PHACTR3: variants seen among roughly 807,000 people sequenced by gnomAD.
PHACTR3 encodes phosphatase and actin regulator 3.
PHACTR3 carries 16 observed loss-of-function variants against 66.8 expected under a neutral mutation model. The observed-to-expected ratio is 0.24, with a 90% CI of 0.16 to 0.36. PHACTR3 has a LOEUF of 0.36. PHACTR3 is among the 10% of genes least tolerant of loss of function. PHACTR3 has a pLI of 1.00. For synonymous variants in PHACTR3, 323 were observed against 292.1 expected (o/e 1.11, Z -1.08); for missense variants, 647 against 719.9 (o/e 0.90, Z 1.16).
chr20:59,613,895 C>T (rs2033939872), intron 1 of PHACTR3, among the ~76,000 whole-genome samples: 2 of 152,242 alleles, frequency 1.3e-5, no homozygotes, highest in African/African-American at 4.8e-5. Flanking sequence ...GGCAGGGTCA[C>T]TGTTCCTCAC....
At chr20:59,578,616 A>C (rs1226373561) in intron 1 of PHACTR3, among the ~76,000 whole-genome samples, 2 of 152,164 alleles carry the variant, frequency 1.3e-5, no homozygotes, top group Non-Finnish European at 2.9e-5. Context: ...ACTGGCACCC[A>C]GTGGGCAGAA....
At chr20:59,618,991 C>T (rs931836110) in intron 1 of PHACTR3, among the ~76,000 whole-genome samples, 6 of 152,184 alleles carry the variant, frequency 3.9e-5, no homozygotes, top group Non-Finnish European at 7.3e-5. Context: ...ACGTGGATTC[C>T]GTGGGCAAAG....
chr20:59,813,611 G>A (rs187662265), intron 8 of PHACTR3, among the ~76,000 whole-genome samples: 1 of 152,332 alleles, frequency 6.6e-6, no homozygotes, highest in African/African-American at 2.4e-5. Flanking sequence ...AGATAGATGT[G>A]TGGACCAGCT....
chr20:59,643,771 C>T (rs188044476), intron 1 of PHACTR3, among the ~76,000 whole-genome samples: 13 of 152,240 alleles, frequency 8.5e-5, no homozygotes, highest in Middle Eastern at 3.4e-3. Context: ...GTGCTGGTGA[C>T]GCAGTCCCTT....
chr20:59,768,883 G>A (rs1196754491), intron 5 of PHACTR3, among the ~76,000 whole-genome samples: 1 of 152,266 alleles, frequency 6.6e-6, no homozygotes, highest in African/African-American at 2.4e-5. Context: ...GCACCCCACA[G>A]GGGGCCTCTT....
chr20:59,746,780 C>G (rs367545744), intron 2 of PHACTR3, among the ~76,000 whole-genome samples: 1 of 152,196 alleles, frequency 6.6e-6, no homozygotes, highest in Non-Finnish European at 1.5e-5. Flanking sequence ...GGCAGGATCA[C>G]GGAGCAGGCC....
chr20:59,638,810 A>AT (rs879898285), intron 1 of PHACTR3, among the ~76,000 whole-genome samples: 101,313 of 140,478 alleles, frequency 0.72, 36,175 homozygotes, highest in East Asian at 0.89. Context: ...GGATGGATGG[A>AT]CGAATGGATG....
chr20:59,584,283 A>G (rs2032952067), intron 1 of PHACTR3, among the ~76,000 whole-genome samples: 1 of 150,168 alleles, frequency 6.7e-6, no homozygotes, highest in African/African-American at 2.5e-5. Flanking sequence ...AGGCCGTGCA[A>G]GAGTGTGTAC....
intron 8 of PHACTR3, among the ~76,000 whole-genome samples, chr20:59,833,019 G>A (rs2042430167): frequency 6.6e-6 from 1 of 152,138 alleles, no homozygotes; most frequent in African/African-American, 2.4e-5. Flanking sequence ...GAGGGTCTTG[G>A]GGCCCACAGC....
At chr20:59,668,905 A>ATTTTATTTTATTTTG (rs1294999138) in intron 1 of PHACTR3, among the ~76,000 whole-genome samples, 4 of 150,138 alleles carry the variant, frequency 2.7e-5, no homozygotes, top group Non-Finnish European at 4.4e-5. Flanking sequence ...ATTTTATTTT[A>ATTTTATTTTATTTTG]TTTTATTTTA....
At chr20:59,720,863 A>G (rs1367613060) in intron 1 of PHACTR3, among the ~76,000 whole-genome samples, 1 of 152,204 alleles carries the variant, frequency 6.6e-6, no homozygotes, top group Non-Finnish European at 1.5e-5. Context: ...AAGACTTGAT[A>G]AAAAATGTTT....
chr20:59,678,966 G>T (rs1023637568), intron 1 of PHACTR3, among the ~76,000 whole-genome samples: 3 of 146,058 alleles, frequency 2.1e-5, no homozygotes, highest in Middle Eastern at 3.2e-3. Flanking sequence ...TGGGTGGGGT[G>T]GGGGGGCAAG....
chr20:59,604,924 C>T lies in PHACTR3; in HGVS notation c.-91C>T. ...TAATTTTCTTTTTTAAAAAGACGCC[C>T]CCTCCAGCCCCCTCGCCGGTGACCT... On this transcript the variant is annotated 5_prime_UTR_variant, in exon 1 of 13. Transcript: ENST00000371015. 2 of 1,225,880 alleles carry T rather than the reference C, an allele frequency of 1.6e-6. No homozygotes were observed. Among genetic ancestry groups the T allele is most frequent in the Non-Finnish European group, 2.0e-6 (2 of 983,622 alleles). The allele number at this position is 1,225,880 out of a possible 1,614,324, so 75.9% of individuals were successfully genotyped here.
At chr20:59,580,268 G>A (rs1252453142) in intron 1 of PHACTR3, among the ~76,000 whole-genome samples, 1 of 152,162 alleles carries the variant, frequency 6.6e-6, no homozygotes, top group Admixed American at 6.5e-5. Flanking sequence ...ACCAGGCTGT[G>A]TGCCCACAAC....
intron 8 of PHACTR3, among the ~76,000 whole-genome samples, chr20:59,826,383 G>A (rs895819299): frequency 2.6e-5 from 4 of 152,190 alleles, no homozygotes; most frequent in Non-Finnish European, 5.9e-5. Flanking sequence ...CTTCCCAGCT[G>A]ACTCAACCTG....
rs890238953 is a variant in PHACTR3, at chr20:59,843,325, T to C, written c.1587+1790T>C. 7 of 152,210 alleles carry C rather than the reference T, an allele frequency of 4.6e-5. 1 individual carries two copies. Among genetic ancestry groups the C allele is most frequent in the Middle Eastern group, 6.8e-3 (2 of 294 alleles). The allele number at this position is 152,210 out of a possible 1,614,324, so 9.4% of individuals were successfully genotyped here. A position where few individuals can be genotyped will look rare whatever the true frequency, so the allele number is the denominator to read the frequency against. ...TCCCTATCAAAATACCAATGTCATT[T>C]TTCACAAAAATAGTAAAAGCCATCC... On this transcript the variant is annotated intron_variant, in intron 11 of 12. Transcript: ENST00000371015.
chr20:59,806,689 C>T (rs558419945), intron 8 of PHACTR3, among the ~76,000 whole-genome samples: 3 of 152,334 alleles, frequency 2.0e-5, no homozygotes, highest in Admixed American at 1.3e-4. Flanking sequence ...TATGCAGTCA[C>T]GTGTCACTTA....
In PHACTR3 at chr20:59,741,496, G is replaced by A. The variant is rs1216767124; in HGVS notation, c.119-1611G>A. Among the ~76,000 whole-genome samples the A allele has an allele frequency of 2.0e-5, 3 of 152,210 alleles. No individual in the cohort carries two copies. The South Asian group carries it at 6.2e-4, about 32-fold the overall frequency. On this transcript the variant is annotated intron_variant, in intron 1 of 12. Coordinates refer to ENST00000371015, the MANE Select transcript of PHACTR3 (RefSeq NM_080672.5). ...TTCCCTGTCCCAGGAGGCATCTGGG[G>A]CAATGTGCTCATCTATTCTCAGTCC... is the stretch of plus-strand genomic sequence containing the variant.
rs2036483158 is a variant in PHACTR3 at position 59,677,309 on chromosome 20, T to C, written c.119-65798T>C. Among the ~76,000 whole-genome samples, 4 of 152,116 alleles carry C rather than the reference T, an allele frequency of 2.6e-5. No individual in the cohort carries two copies. In the South Asian group the frequency reaches 8.3e-4, roughly 32 times the overall value. ...ACATATGCTCCACTATCAGGAGTCA[T>C]TGTCCTTCCGGGATCTCCACCACTG... On this transcript the variant is annotated intron_variant, in intron 1 of 12. Transcript: ENST00000371015.
Sources: allele counts gnomAD v4.1 joint callset (sites outside exome capture counted in the v4.1 genomes callset), GRCh38; gene constraint gnomAD v4.1.1; transcripts MANE v1.5; gene names NCBI Gene and HGNC (gene_info 2026-07-23, HGNC 2026-07-21).